AGBL4: variants seen among roughly 807,000 people sequenced by gnomAD.
AGBL4 encodes the protein AGBL carboxypeptidase 4.
AGBL4 carries 58 observed loss-of-function variants against 66.4 expected under a neutral mutation model. The ratio of observed to expected loss-of-function variants is 0.87; its 90% CI spans 0.71 to 1.09. AGBL4 has a LOEUF of 1.09. Ranked by LOEUF, AGBL4 falls within the 50% of genes least tolerant of loss-of-function variation. The pLI is 0.00. For missense variants in AGBL4, 579 were observed against 631.0 expected, an observed-to-expected ratio of 0.92 and a Z score of 0.88; for synonymous variants, 234 against 222.9, an observed-to-expected ratio of 1.05 and a Z score of -0.44.
At chr1:48,615,761 CAGTT>C (rs1375818942) in intron 9 of AGBL4, among the ~76,000 whole-genome samples, 1 of 152,176 alleles carries the variant, frequency 6.6e-6, no homozygotes, top group African/African-American at 2.4e-5. Context: ...AATGGGGTCT[CAGTT>C]TGTTTGTGCT....
chr1:49,919,059 A>C (rs553430358), intron 1 of AGBL4, among the ~76,000 whole-genome samples: 1 of 152,234 alleles, frequency 6.6e-6, no homozygotes. Flanking sequence ...AACTCTCAAT[A>C]AATTCGGTAT....
In AGBL4 at chr1:49,870,780, T is replaced by C. The variant is rs1027328075; in HGVS notation, c.35-19262A>G. ...TAGGGAAATGCAAGTAAAATCAACATAAGTTACCACTTCACACCCACTCTG... is the reference window on the plus strand; with the variant it reads ...TAGGGAAATGCAAGTAAAATCAACACAAGTTACCACTTCACACCCACTCTG... On this transcript the variant is annotated intron_variant, in intron 1 of 13. Coordinates refer to ENST00000371839, the MANE Select transcript of AGBL4 (RefSeq NM_032785.4). Among the ~76,000 whole-genome samples, 4 of 151,864 alleles carry C rather than the reference T, an allele frequency of 2.6e-5. No homozygotes were observed. The South Asian group carries it at 6.2e-4, about 24-fold the overall frequency.
At chr1:49,172,251 A>G (rs992817463) in intron 4 of AGBL4, among the ~76,000 whole-genome samples, 2 of 152,208 alleles carry the variant, frequency 1.3e-5, no homozygotes, top group Non-Finnish European at 2.9e-5. Context: ...TATATATTAC[A>G]TTGACCCTGT....
intron 2 of AGBL4, among the ~76,000 whole-genome samples, chr1:49,777,771 G>A (rs1224692687): frequency 1.3e-5 from 2 of 152,116 alleles, no homozygotes; most frequent in Non-Finnish European, 2.9e-5. Context: ...GGGAATGGTG[G>A]TATGTGGATA....
rs182488786 is a variant in AGBL4 at position 48,793,978 on chromosome 1, G to T, written c.634+73213C>A. ...ATCTACCCTTGTGCTGGGAGCCAGG[G>T]TTAGGTGCTGTTGGAGGAGGGGCCA... On this transcript the variant is annotated intron_variant, in intron 6 of 13. Coordinates refer to ENST00000371839, the MANE Select transcript of AGBL4 (RefSeq NM_032785.4). Among the ~76,000 whole-genome samples the T allele has an allele frequency of 2.6e-5, 4 of 152,276 alleles. No individual in the cohort carries two copies. In the East Asian group the frequency reaches 7.7e-4, roughly 29 times the overall value.
chr1:49,911,640 G>T (rs566011465), intron 1 of AGBL4, among the ~76,000 whole-genome samples: 4 of 152,254 alleles, frequency 2.6e-5, no homozygotes, highest in Non-Finnish European at 5.9e-5. Context: ...ACCTAGGAGG[G>T]TCATTTTCAG....
intron 9 of AGBL4, chr1:48,634,206 T>C: frequency 4.9e-6 from 1 of 204,298 alleles, no homozygotes; most frequent in Non-Finnish European, 9.9e-6. Flanking sequence ...CCTATTTCTT[T>C]AGCTTGTAAC....
At chr1:48,652,542 A>T (rs1645947372) in intron 8 of AGBL4, among the ~76,000 whole-genome samples, 1 of 152,172 alleles carries the variant, frequency 6.6e-6, no homozygotes, top group Non-Finnish European at 1.5e-5. Flanking sequence ...TTGCATGCAA[A>T]GCTGGGGGGT....
At chr1:49,150,334 T>G (rs1009215926) in intron 4 of AGBL4, among the ~76,000 whole-genome samples, 2 of 152,168 alleles carry the variant, frequency 1.3e-5, no homozygotes, top group Admixed American at 6.5e-5. Flanking sequence ...AAAATAAAGT[T>G]TCAAGGCAAT....
At chr1:49,224,503 A>C (rs1175599661) in intron 4 of AGBL4, among the ~76,000 whole-genome samples, 1 of 151,086 alleles carries the variant, frequency 6.6e-6, no homozygotes, top group Admixed American at 6.6e-5. Flanking sequence ...TGTAGTCCCC[A>C]CTACTTGGGA....
At chr1:48,981,655 C>T (rs1333858637) in intron 5 of AGBL4, among the ~76,000 whole-genome samples, 5 of 152,110 alleles carry the variant, frequency 3.3e-5, no homozygotes, top group Non-Finnish European at 7.4e-5. Context: ...GAGGCCGAGG[C>T]AGGTGGATCA....
At chr1:49,106,269 C>T (rs774955117) in intron 4 of AGBL4, among the ~76,000 whole-genome samples, 3 of 152,194 alleles carry the variant, frequency 2.0e-5, no homozygotes, top group Non-Finnish European at 4.4e-5. Context: ...TTAAATCACA[C>T]ATACATACCT....
intron 5 of AGBL4, among the ~76,000 whole-genome samples, chr1:48,954,134 C>G (rs1458943742): frequency 6.6e-6 from 1 of 152,182 alleles, no homozygotes; most frequent in Non-Finnish European, 1.5e-5. Flanking sequence ...ATTTGCACTT[C>G]AATTCCCTCT....
intron 4 of AGBL4, among the ~76,000 whole-genome samples, chr1:49,208,194 C>T (rs1648392502): frequency 6.6e-6 from 1 of 151,922 alleles, no homozygotes. Flanking sequence ...GGTATTTTGC[C>T]CCAAATCACT....
At chr1:48,620,654 T>C (rs1035164943) in intron 9 of AGBL4, among the ~76,000 whole-genome samples, 6 of 152,196 alleles carry the variant, frequency 3.9e-5, no homozygotes, top group African/African-American at 1.4e-4. Flanking sequence ...ATGGTGATAA[T>C]TGGTGATAAT....
rs180677768 is a variant in AGBL4, at chr1:49,312,276, C to T, written c.283-66412G>A. On this transcript the variant is annotated intron_variant, in intron 3 of 13. Coordinates refer to ENST00000371839, the MANE Select transcript of AGBL4 (RefSeq NM_032785.4). Reference sequence around the variant, plus strand: ...TTCCTTCCCTTCTGCCATGTGAGGACACAACATTTGTCCCCTCTGGAGGAT... The same window carrying T: ...TTCCTTCCCTTCTGCCATGTGAGGATACAACATTTGTCCCCTCTGGAGGAT... 5.2e-4 allele frequency among the ~76,000 whole-genome samples: 79 copies of T among 152,108 alleles called. 1 individual carries two copies. In the Middle Eastern group the frequency reaches 0.01, roughly 20 times the overall value.
chr1:49,355,119 C>A (rs991423855), intron 3 of AGBL4, among the ~76,000 whole-genome samples: 1 of 152,154 alleles, frequency 6.6e-6, no homozygotes, highest in African/African-American at 2.4e-5. Flanking sequence ...GTGGCCCTAG[C>A]CAGGAATCAA....
At chr1:48,938,413 G>A (rs1173768801) in intron 5 of AGBL4, among the ~76,000 whole-genome samples, 3 of 152,140 alleles carry the variant, frequency 2.0e-5, no homozygotes, top group African/African-American at 7.2e-5. Context: ...ATTGTAATAA[G>A]TACTATAAAG....
chr1:49,510,190 G>C (rs1345211591), intron 3 of AGBL4, among the ~76,000 whole-genome samples: 1 of 151,982 alleles, frequency 6.6e-6, no homozygotes, highest in East Asian at 1.9e-4. Flanking sequence ...CTAGTTTACA[G>C]TCCCACCAAC....
Sources: gnomAD v4.1 joint callset for allele counts (sites outside exome capture counted in the v4.1 genomes callset) on GRCh38, gnomAD v4.1.1 for gene constraint, MANE v1.5 for transcripts, NCBI Gene and HGNC (gene_info 2026-07-23, HGNC 2026-07-21) for gene names.